The following EFCC1 variants were observed in gnomAD, a reference collection of about 807,000 sequenced individuals.
The protein encoded by EFCC1 is EF-hand and coiled-coil domain-containing protein 1.
In EFCC1, 50 loss-of-function variants were observed where a neutral mutation model predicts 52.1. The observed-to-expected ratio is 0.96, with a 90% CI of 0.76 to 1.21. The LOEUF is 1.21. Among genes scored for constraint, EFCC1 ranks in the 50% most tolerant of loss-of-function variants. EFCC1 has a pLI of 0.00. For synonymous variants in EFCC1, 399 were observed against 396.5 expected (o/e 1.01, Z -0.08); for missense variants, 837 against 867.3 (o/e 0.97, Z 0.44).
At chr3:129,004,475 CCACT>C (rs1467449836) in intron 2 of EFCC1, among the ~76,000 whole-genome samples, 23 of 146,636 alleles carry the variant, frequency 1.6e-4, no homozygotes, top group African/African-American at 4.5e-4. Flanking sequence ...ATTCATCCAT[CCACT>C]CACTCACCCA....
At chr3:129,035,602 A>C (rs535887018) in intron 5 of EFCC1, among the ~76,000 whole-genome samples, 1 of 152,350 alleles carries the variant, frequency 6.6e-6, no homozygotes, top group South Asian at 2.1e-4. Context: ...AAAGGAAACA[A>C]AGTTGAATGT....
At chr3:129,026,158 T>C (rs557622474) in intron 2 of EFCC1, among the ~76,000 whole-genome samples, 2 of 152,346 alleles carry the variant, frequency 1.3e-5, no homozygotes, top group South Asian at 4.1e-4. Flanking sequence ...AAGGGTTTAG[T>C]TGGTATTGTC....
Position 129,014,240 on chromosome 3 carries a change from T to C in EFCC1, c.980+10163T>C, listed in dbSNP as rs1945466242. Reference sequence around the variant, plus strand: ...ACCAACTCTCAGTGCGTTACGCTGTTGACCACCAGTAACTAAGCGGGTGGA... The same window carrying C: ...ACCAACTCTCAGTGCGTTACGCTGTCGACCACCAGTAACTAAGCGGGTGGA... On this transcript the variant is annotated intron_variant, in intron 2 of 7. Coordinates refer to ENST00000683648, the MANE Select transcript of EFCC1 (RefSeq NM_001377500.1). This position sits in a 1 kb window ranked among gnomAD's most constrained non-coding sequence, Gnocchi z 4.3. Among the ~76,000 whole-genome samples, 1 of 152,242 alleles carries C rather than the reference T, an allele frequency of 6.6e-6. No individual in the cohort carries two copies. Among genetic ancestry groups the C allele is most frequent in the Non-Finnish European group, 1.5e-5 (1 of 68,044 alleles).
intron 2 of EFCC1, among the ~76,000 whole-genome samples, chr3:129,005,585 C>T (rs1311956135): frequency 6.6e-6 from 1 of 152,234 alleles, no homozygotes; most frequent in Non-Finnish European, 1.5e-5. Context: ...AAGAGATGGG[C>T]AGATGGGGAG....
chr3:129,027,092 G>C (rs934081315), intron 2 of EFCC1, among the ~76,000 whole-genome samples: 3 of 152,064 alleles, frequency 2.0e-5, no homozygotes, highest in African/African-American at 4.8e-5. Context: ...TTCCCGCTTC[G>C]TCGGTCATCA....
At position 129,002,174 on chromosome 3, in the gene EFCC1, C is replaced by T; in HGVS notation, c.546C>T (p.Arg182=). 6.8e-7 allele frequency: 1 copy of T among 1,479,046 alleles called. No homozygotes were observed. Among genetic ancestry groups the T allele is most frequent in the Non-Finnish European group, 8.9e-7 (1 of 1,125,960 alleles). The allele number at this position is 1,479,046 out of a possible 1,614,324, so 91.6% of individuals were successfully genotyped here. Residue 182 remains arginine, a synonymous_variant, in exon 1 of 8, where the codon CGC becomes CGT. Coordinates refer to ENST00000683648, the MANE Select transcript of EFCC1 (RefSeq NM_001377500.1). The part of the protein sequence containing the change: ...TQIRLRRPRR[R]RRPPCAPGPD... ...TCCGCCTGCGCCGTCCGCGCCGCCG[C>T]CGCCGCCCGCCCTGCGCGCCTGGCC...
intron 2 of EFCC1, among the ~76,000 whole-genome samples, chr3:129,024,900 G>A (rs943663582): frequency 1.3e-5 from 2 of 152,158 alleles, no homozygotes; most frequent in South Asian, 4.1e-4. Context: ...TTTTGTTGGG[G>A]TGGGAGAACG....
rs572655903 is a variant in EFCC1, at chr3:129,017,346, G to T, written c.980+13269G>T. 1.2e-4 allele frequency among the ~76,000 whole-genome samples: 19 copies of T among 152,320 alleles called. No homozygotes were observed. In the South Asian group the frequency reaches 3.5e-3, roughly 28 times the overall value. Reference sequence around the variant, plus strand: ...TTTGGTTTCTATCACAACCATAGCCGATCACCACACTCTTAGTGACTTGAA... The same window carrying T: ...TTTGGTTTCTATCACAACCATAGCCTATCACCACACTCTTAGTGACTTGAA... On this transcript the variant is annotated intron_variant, in intron 2 of 7. Transcript: ENST00000683648.
At chr3:129,033,247 A>T (rs1451428448) in intron 4 of EFCC1, among the ~76,000 whole-genome samples, 1 of 152,146 alleles carries the variant, frequency 6.6e-6, no homozygotes, top group Non-Finnish European at 1.5e-5. Context: ...CCCAGACACC[A>T]GTGTTCCTCT....
intron 2 of EFCC1, among the ~76,000 whole-genome samples, chr3:129,015,757 G>A (rs949391899): frequency 5.3e-5 from 8 of 150,656 alleles, no homozygotes; most frequent in South Asian, 2.1e-4. Context: ...TTTATTTTCC[G>A]CCCTTCCTCT....
At chr3:129,015,899 G>A (rs1448666746) in intron 2 of EFCC1, among the ~76,000 whole-genome samples, 2 of 152,178 alleles carry the variant, frequency 1.3e-5, no homozygotes, top group South Asian at 4.1e-4. Flanking sequence ...CGCTGTGTGC[G>A]AACCTCCAGG....
intron 6 of EFCC1, among the ~76,000 whole-genome samples, chr3:129,038,135 G>T (rs528804648): frequency 6.6e-6 from 1 of 152,176 alleles, no homozygotes; most frequent in African/African-American, 2.4e-5. Flanking sequence ...TTCATGTGAA[G>T]CAGAGGTTCC....
At position 129,030,850 on chromosome 3, in the gene EFCC1, C is replaced by T; in HGVS notation, c.1128C>T (p.Ala376=). ...CAGACAGCAGCTCTGGAAGCAGAGC[C>T]CTGGATGAAGGTTTGTCCCCTGTGC... The part of the protein sequence containing the change: ...WQSDSSSGSR[A]LDEAVDEQLF... Residue 376 remains alanine, a synonymous_variant, in exon 3 of 8, where the codon GCC becomes GCT. Transcript: ENST00000683648. 6.4e-7 allele frequency: 1 copy of T among 1,550,952 alleles called. No homozygotes were observed. Among genetic ancestry groups the T allele is most frequent in the South Asian group, 1.2e-5 (1 of 83,976 alleles).
intron 3 of EFCC1, among the ~76,000 whole-genome samples, chr3:129,031,327 G>A (rs1946268359): frequency 6.6e-6 from 1 of 152,200 alleles, no homozygotes; most frequent in African/African-American, 2.4e-5. Flanking sequence ...GCTACTCGGA[G>A]GGGGAGTGGG....
At chr3:129,025,559 G>A (rs994367546) in intron 2 of EFCC1, among the ~76,000 whole-genome samples, 9 of 152,214 alleles carry the variant, frequency 5.9e-5, no homozygotes, top group Non-Finnish European at 2.9e-5. Context: ...CTGTCAAGTA[G>A]GGCAGAGTAA....
chr3:129,027,440 C>T (rs926634933), intron 2 of EFCC1, among the ~76,000 whole-genome samples: 2 of 152,188 alleles, frequency 1.3e-5, no homozygotes, highest in African/African-American at 4.8e-5. Context: ...CCGCGCCCCT[C>T]ACCTGCCCAG....
intron 6 of EFCC1, among the ~76,000 whole-genome samples, chr3:129,037,985 G>A (rs1181056961): frequency 6.6e-6 from 1 of 151,760 alleles, no homozygotes; most frequent in Non-Finnish European, 1.5e-5. Flanking sequence ...GATTGCCAAA[G>A]TCCAGGAGGC....
At chr3:129,017,489 C>A (rs981756170) in intron 2 of EFCC1, among the ~76,000 whole-genome samples, 1 of 152,228 alleles carries the variant, frequency 6.6e-6, no homozygotes. Flanking sequence ...CGGGTCTGGA[C>A]CCCCTGGGAA....
At chr3:129,035,001 C>T (rs1478912502) in intron 5 of EFCC1, among the ~76,000 whole-genome samples, 9 of 152,162 alleles carry the variant, frequency 5.9e-5, no homozygotes, top group Non-Finnish European at 5.9e-5. Flanking sequence ...TCAATACGAC[C>T]ACTTCGCATT....
Sources: gnomAD v4.1 joint callset for allele counts (sites outside exome capture counted in the v4.1 genomes callset) on GRCh38, gnomAD v4.1.1 for gene constraint, Gnocchi (gnomAD v3.1) non-coding constraint, MANE v1.5 for transcripts, NCBI Gene and HGNC (gene_info 2026-07-23, HGNC 2026-07-21) for gene names.